COX10: variants seen among roughly 807,000 people sequenced by gnomAD.
The protein encoded by COX10 is cytochrome c oxidase assembly factor heme A:farnesyltransferase COX10.
COX10 carries 27 observed loss-of-function variants against 37.3 expected under a neutral mutation model. The observed-to-expected ratio is 0.72, with a 90% CI of 0.53 to 1.00. The LOEUF is 1.00. Ranked by LOEUF, COX10 falls within the 50% of genes least tolerant of loss-of-function variation. COX10 has a pLI of 0.00. For missense variants in COX10, 475 were observed against 563.2 expected (o/e 0.84, Z 1.59); for synonymous variants, 222 against 229.1 (o/e 0.97, Z 0.28).
At chr17:14,179,950 A>T (rs1427685185) in intron 5 of COX10, among the ~76,000 whole-genome samples, 1 of 152,094 alleles carries the variant, frequency 6.6e-6, no homozygotes. Flanking sequence ...AATGATGAAG[A>T]TGGAGTTTTA....
chr17:14,098,950 C>T (rs561753784), intron 3 of COX10, among the ~76,000 whole-genome samples: 2 of 152,234 alleles, frequency 1.3e-5, no homozygotes, highest in East Asian at 3.9e-4. Flanking sequence ...TACCCCTAAG[C>T]AGAGGAGATG....
chr17:14,070,082 G>A (rs1474720541), intron 1 of COX10, among the ~76,000 whole-genome samples: 3 of 152,182 alleles, frequency 2.0e-5, no homozygotes, highest in Non-Finnish European at 4.4e-5. Flanking sequence ...TGACAACGTT[G>A]ATGATAATGA....
At chr17:14,088,712 T>C (rs1915465369) in intron 3 of COX10, among the ~76,000 whole-genome samples, 1 of 152,132 alleles carries the variant, frequency 6.6e-6, no homozygotes, top group Non-Finnish European at 1.5e-5. Flanking sequence ...CTTAAACAAG[T>C]AAAGGGTTTA....
At chr17:14,106,339 T>G (rs1915893461) in intron 4 of COX10, among the ~76,000 whole-genome samples, 1 of 152,136 alleles carries the variant, frequency 6.6e-6, no homozygotes, top group South Asian at 2.1e-4. Flanking sequence ...TTTTAAGAGT[T>G]GTATATGGAT....
At chr17:14,183,246 A>G (rs1905920374) in intron 5 of COX10, among the ~76,000 whole-genome samples, 1 of 151,668 alleles carries the variant, frequency 6.6e-6, no homozygotes, top group African/African-American at 2.4e-5. Context: ...TTCAACCCTC[A>G]GCATGAACCA....
intron 3 of COX10, among the ~76,000 whole-genome samples, chr17:14,088,550 T>G (rs890926754): frequency 2.0e-5 from 3 of 152,122 alleles, no homozygotes; most frequent in Non-Finnish European, 4.4e-5. Context: ...ATTGTAAGTA[T>G]AAGATGCTAT....
intron 3 of COX10, among the ~76,000 whole-genome samples, chr17:14,096,718 C>T (rs1403631452): frequency 6.6e-6 from 1 of 152,014 alleles, no homozygotes. Flanking sequence ...TTGTGGGAAA[C>T]ATAGTGGGAA....
chr17:14,128,403 A>G (rs1054720941), intron 4 of COX10, among the ~76,000 whole-genome samples: 1 of 152,142 alleles, frequency 6.6e-6, no homozygotes, highest in Non-Finnish European at 1.5e-5. Flanking sequence ...AATACTAAAT[A>G]TCAGATATGT....
intron 4 of COX10, among the ~76,000 whole-genome samples, chr17:14,155,924 G>T (rs943874777): frequency 6.6e-6 from 1 of 151,886 alleles, no homozygotes; most frequent in South Asian, 2.1e-4. Flanking sequence ...CCTCCAAGTG[G>T]CAGTCATAGG....
intron 4 of COX10, among the ~76,000 whole-genome samples, chr17:14,109,409 C>G (rs141549252): frequency 2.6e-5 from 4 of 152,162 alleles, no homozygotes; most frequent in Non-Finnish European, 5.9e-5. Flanking sequence ...TGTTTATAAC[C>G]AAAATAACTC....
At chr17:14,121,359 G>A (rs1173250561) in intron 4 of COX10, among the ~76,000 whole-genome samples, 3 of 152,190 alleles carry the variant, frequency 2.0e-5, no homozygotes, top group Non-Finnish European at 4.4e-5. Context: ...TGAGGGATGC[G>A]TATCTTAATA....
chr17:14,083,092 C>G (rs568017912), intron 3 of COX10, among the ~76,000 whole-genome samples: 1 of 152,174 alleles, frequency 6.6e-6, no homozygotes, highest in African/African-American at 2.4e-5. Flanking sequence ...CAAAGCAAGA[C>G]GGATGCACCA....
At chr17:14,170,115 A>G (rs1905416294) in intron 5 of COX10, among the ~76,000 whole-genome samples, 1 of 152,176 alleles carries the variant, frequency 6.6e-6, no homozygotes, top group Non-Finnish European at 1.5e-5. Context: ...ATGCCCTTGA[A>G]CTTCACAGCC....
chr17:14,127,180 A>G (rs1916360779), intron 4 of COX10, among the ~76,000 whole-genome samples: 1 of 152,148 alleles, frequency 6.6e-6, no homozygotes, highest in South Asian at 2.1e-4. Context: ...TGTTTTAACT[A>G]TTTGCTGTCT....
intron 4 of COX10, among the ~76,000 whole-genome samples, chr17:14,134,441 G>A (rs1044245214): frequency 6.6e-6 from 1 of 151,682 alleles, no homozygotes; most frequent in Non-Finnish European, 1.5e-5. Context: ...GTTCTTACAA[G>A]TATTTTAATG....
chr17:14,157,597 A>G (rs1597526763), intron 4 of COX10, among the ~76,000 whole-genome samples: 1 of 152,178 alleles, frequency 6.6e-6, no homozygotes, highest in Non-Finnish European at 1.5e-5. Flanking sequence ...GTCGATAAAA[A>G]CTGCAACTGC....
intron 3 of COX10, among the ~76,000 whole-genome samples, chr17:14,094,733 A>C (rs1351446483): frequency 6.6e-6 from 1 of 152,222 alleles, no homozygotes; most frequent in Non-Finnish European, 1.5e-5. Context: ...GTAAAGTCCA[A>C]GTGCAGTGAC....
At chr17:14,071,924 T>C (rs1001003935) in intron 1 of COX10, among the ~76,000 whole-genome samples, 2 of 151,796 alleles carry the variant, frequency 1.3e-5, no homozygotes, top group African/African-American at 4.8e-5. Context: ...AAATTAAAAA[T>C]GTCAGCATTT....
chr17:14,190,102 G>A (rs1906154694), intron 5 of COX10, among the ~76,000 whole-genome samples: 1 of 152,206 alleles, frequency 6.6e-6, no homozygotes, highest in South Asian at 2.1e-4. Flanking sequence ...TAAGAGGGAA[G>A]GGCATCTGTT....
Sources: allele counts gnomAD v4.1 joint callset (sites outside exome capture counted in the v4.1 genomes callset), GRCh38; gene constraint gnomAD v4.1.1; transcripts MANE v1.5; gene names NCBI Gene and HGNC (gene_info 2026-07-23, HGNC 2026-07-21).